Variants in AP3B1 observed in about 807,000 individuals in gnomAD.
The protein encoded by AP3B1 is AP-3 complex subunit beta-1.
AP3B1 carries 61 observed loss-of-function variants against 132.5 expected under a neutral mutation model. The ratio of observed to expected loss-of-function variants is 0.46; its 90% CI spans 0.37 to 0.57. The LOEUF is 0.57. AP3B1 is among the 20% of genes least tolerant of loss of function. AP3B1 has a pLI of 0.00. For synonymous variants in AP3B1, 388 were observed against 438.3 expected, an observed-to-expected ratio of 0.89 and a Z score of 1.43; for missense variants, 1,120 against 1,289.4, an observed-to-expected ratio of 0.87 and a Z score of 2.01.
At chr5:78,152,482 G>C (rs1753715913) in intron 14 of AP3B1, among the ~76,000 whole-genome samples, 1 of 152,022 alleles carries the variant, frequency 6.6e-6, no homozygotes. Flanking sequence ...GCTTATAGTA[G>C]CCACTAATGA....
At chr5:78,201,296 A>G (rs571339908) in intron 7 of AP3B1, among the ~76,000 whole-genome samples, 32 of 152,308 alleles carry the variant, frequency 2.1e-4, no homozygotes, top group African/African-American at 5.3e-4. Flanking sequence ...CAATAATTCT[A>G]TATCTAGGTA....
chr5:78,262,041 T>G (rs898246284), intron 2 of AP3B1, among the ~76,000 whole-genome samples: 2 of 152,222 alleles, frequency 1.3e-5, no homozygotes, highest in African/African-American at 4.8e-5. Flanking sequence ...AGTGCTGGGA[T>G]TACAGGCGTG....
chr5:78,218,618 G>GA (rs889472035), intron 6 of AP3B1, among the ~76,000 whole-genome samples: 1 of 151,936 alleles, frequency 6.6e-6, no homozygotes, highest in Non-Finnish European at 1.5e-5. Flanking sequence ...AGCTGGTAAT[G>GA]AAAAAAATCA....
chr5:78,029,217 T>C (rs1439627474), intron 24 of AP3B1, among the ~76,000 whole-genome samples: 1 of 152,236 alleles, frequency 6.6e-6, no homozygotes, highest in African/African-American at 2.4e-5. Flanking sequence ...TTTCTCCTAG[T>C]ATTTGTATTG....
intron 19 of AP3B1, among the ~76,000 whole-genome samples, chr5:78,111,501 T>C (rs1381099763): frequency 6.6e-6 from 1 of 152,042 alleles, no homozygotes; most frequent in African/African-American, 2.4e-5. Context: ...AATTATAGCG[T>C]GTCAGGAGAA....
intron 17 of AP3B1, among the ~76,000 whole-genome samples, chr5:78,126,504 C>CAAAAAAAAAAAAAAAAAA: frequency 1.6e-5 from 1 of 62,386 alleles, no homozygotes; most frequent in East Asian, 6.6e-4. Context: ...GACTCTGTCT[C>CAAAAAAAAAAAAAAAAAA]AAAAAAAAAA....
chr5:78,116,968 G>C (rs1345523616), intron 17 of AP3B1, among the ~76,000 whole-genome samples: 1 of 152,018 alleles, frequency 6.6e-6, no homozygotes, highest in Non-Finnish European at 1.5e-5. Flanking sequence ...CCCTACAACA[G>C]TCTGCACAGC....
chr5:78,220,233 C>T (rs556407244), intron 6 of AP3B1, among the ~76,000 whole-genome samples: 1 of 151,178 alleles, frequency 6.6e-6, no homozygotes, highest in Non-Finnish European at 1.5e-5. Flanking sequence ...TACCAGAAAA[C>T]ATTCACAAAA....
intron 17 of AP3B1, 136 bp from the exon 18 acceptor site, chr5:78,116,370 T>C (rs1241283474): frequency 5.5e-6 from 4 of 729,666 alleles, no homozygotes; most frequent in Non-Finnish European, 9.4e-6. Flanking sequence ...CTGTTAGAAG[T>C]CCTGGCATTA....
intron 19 of AP3B1, among the ~76,000 whole-genome samples, chr5:78,113,174 G>A (rs778412586): frequency 2.0e-5 from 3 of 152,306 alleles, no homozygotes; most frequent in East Asian, 1.9e-4. Context: ...GAGGCCACTC[G>A]CTGACAGCAG....
chr5:78,043,820 T>C (rs1748201252), intron 22 of AP3B1: 11 of 367,500 alleles, frequency 3.0e-5, no homozygotes, highest in South Asian at 2.5e-4. Flanking sequence ...ATAAATCCTT[T>C]AGTACCAGGG....
chr5:78,216,237 A>C lies in AP3B1; in HGVS notation c.604T>G (p.Leu202Val). ...GCCATCACAACACTGCCAGCTACCAACTAGAAAAGAAAGAAATAGTAACTT... is the reference window on the plus strand; with the variant it reads ...GCCATCACAACACTGCCAGCTACCACCTAGAAAAGAAAGAAATAGTAACTT... ...IEKLLKDKSTLVAGSVVMAFE... is the reference protein window; with the variant it reads ...IEKLLKDKSTVVAGSVVMAFE... Residue 202 changes from leucine to valine, a missense_variant and splice_region_variant, in exon 7 of 27, where the codon TTG becomes GTG. Physicochemically the swap from Leu to Val is conservative, Grantham distance 32. Around this residue, in one of 3 missense-constraint regions of AP3B1, gnomAD observed 129 missense variants for 212.4 expected, o/e 0.61. Coordinates refer to ENST00000255194, the MANE Select transcript of AP3B1 (RefSeq NM_003664.5). 6.2e-7 allele frequency: 1 copy of C among 1,613,612 alleles called. No homozygotes were observed. The highest frequency in any genetic ancestry group is 8.5e-7 in the Non-Finnish European group (1 of 1,179,766).
chr5:78,197,357 T>C (rs1745117014), intron 7 of AP3B1, among the ~76,000 whole-genome samples: 1 of 152,152 alleles, frequency 6.6e-6, no homozygotes, highest in Non-Finnish European at 1.5e-5. Flanking sequence ...AGACAAACGT[T>C]GTTACATTAC....
chr5:78,235,210 A>G (rs1746824353), intron 3 of AP3B1, among the ~76,000 whole-genome samples: 1 of 152,172 alleles, frequency 6.6e-6, no homozygotes, highest in Non-Finnish European at 1.5e-5. Flanking sequence ...TACTAATTAT[A>G]TTCAGATCTC....
At chr5:78,118,192 T>C (rs190131187) in intron 17 of AP3B1, among the ~76,000 whole-genome samples, 23 of 152,214 alleles carry the variant, frequency 1.5e-4, no homozygotes, top group Non-Finnish European at 2.5e-4. Context: ...ATTTAAAAAA[T>C]CTCCAGGAGG....
chr5:78,086,787 C>T (rs1030268184), intron 22 of AP3B1, among the ~76,000 whole-genome samples: 6 of 152,132 alleles, frequency 3.9e-5, no homozygotes, highest in Non-Finnish European at 5.9e-5. Context: ...ACGTTAAACA[C>T]GTTGGACAAC....
intron 19 of AP3B1, among the ~76,000 whole-genome samples, chr5:78,113,125 G>A (rs1005259595): frequency 1.4e-4 from 21 of 152,304 alleles, no homozygotes; most frequent in South Asian, 4.1e-4. Context: ...TCAAGTGAGC[G>A]GGCAGCAGGC....
chr5:78,054,237 G>A (rs745405934), intron 22 of AP3B1, among the ~76,000 whole-genome samples: 56 of 152,348 alleles, frequency 3.7e-4, no homozygotes, highest in South Asian at 2.5e-3. Context: ...TCAAGAGACT[G>A]TGAGGTTACA....
intron 24 of AP3B1, among the ~76,000 whole-genome samples, chr5:78,032,324 C>A (rs1024384755): frequency 1.3e-5 from 2 of 152,114 alleles, no homozygotes; most frequent in Non-Finnish European, 2.9e-5. Flanking sequence ...GCTGTTATTA[C>A]CCATAATTTT....
Sources: gnomAD v4.1 joint callset for allele counts (sites outside exome capture counted in the v4.1 genomes callset) on GRCh38, gnomAD v4.1.1 for gene constraint, gnomAD v4.1.1 regional missense constraint, MANE v1.5 for transcripts, NCBI Gene and HGNC (gene_info 2026-07-23, HGNC 2026-07-21) for gene names.